Variants in RGS20 observed in about 807,000 individuals in gnomAD.
RGS20 encodes gz-selective GTPase-activating protein.
RGS20 carries 30 observed loss-of-function variants against 33.6 expected under a neutral mutation model. The ratio of observed to expected loss-of-function variants is 0.89; its 90% CI spans 0.67 to 1.21. The LOEUF (loss-of-function observed/expected upper bound fraction) is 1.21. RGS20 is among the 50% of genes most tolerant of loss of function. RGS20 has a pLI of 0.00. For missense variants in RGS20, 472 were observed against 502.4 expected (o/e 0.94, Z 0.58); for synonymous variants, 208 against 197.9 (o/e 1.05, Z -0.43).
intron 2 of RGS20, among the ~76,000 whole-genome samples, chr8:53,932,769 C>A (rs1814008967): frequency 6.6e-6 from 1 of 152,212 alleles, no homozygotes; most frequent in Non-Finnish European, 1.5e-5. Context: ...TGCTTGAGCT[C>A]TGCTAAGGGA....
chr8:53,863,992 G>A (rs1811866196), intron 1 of RGS20, among the ~76,000 whole-genome samples: 1 of 151,864 alleles, frequency 6.6e-6, no homozygotes, highest in South Asian at 2.1e-4. Context: ...CTCCCAAAGT[G>A]GTGGGATTAC....
At chr8:53,855,505 C>T (rs1421581001) in intron 1 of RGS20, among the ~76,000 whole-genome samples, 1 of 152,200 alleles carries the variant, frequency 6.6e-6, no homozygotes, top group Non-Finnish European at 1.5e-5. Flanking sequence ...TGAACCAGTT[C>T]TGTGTCTTGA....
At chr8:53,891,043 A>C (rs2129277623) in intron 2 of RGS20, among the ~76,000 whole-genome samples, 1 of 152,250 alleles carries the variant, frequency 6.6e-6, no homozygotes, top group Admixed American at 6.5e-5. Flanking sequence ...GCCACATTTG[A>C]TAAATGTCTT....
chr8:53,899,156 G>A (rs1382749382), intron 2 of RGS20, among the ~76,000 whole-genome samples: 1 of 152,196 alleles, frequency 6.6e-6, no homozygotes, highest in Non-Finnish European at 1.5e-5. Flanking sequence ...CACAATGCCT[G>A]TGTGCCATGT....
chr8:53,883,158 T>A (rs577990076), intron 2 of RGS20, among the ~76,000 whole-genome samples: 151 of 143,928 alleles, frequency 1.0e-3, no homozygotes, highest in African/African-American at 3.7e-3. Context: ...TCTTTCTTTC[T>A]TTTTTTTTTT....
chr8:53,866,807 C>G (rs994621470), intron 1 of RGS20, among the ~76,000 whole-genome samples: 3 of 151,980 alleles, frequency 2.0e-5, no homozygotes, highest in Non-Finnish European at 4.4e-5. Flanking sequence ...ATTAAGAGAG[C>G]TGGGAAGTAA....
chr8:53,938,665 A>G (rs1455317859), intron 2 of RGS20, among the ~76,000 whole-genome samples: 1 of 152,232 alleles, frequency 6.6e-6, no homozygotes. Context: ...AATTAATTCT[A>G]AAGTCTTATT....
At chr8:53,906,540 C>T (rs750994226) in intron 2 of RGS20, among the ~76,000 whole-genome samples, 11 of 152,102 alleles carry the variant, frequency 7.2e-5, no homozygotes, top group South Asian at 2.1e-4. Flanking sequence ...GAAGGCAGGA[C>T]GACCTAGAGG....
intron 2 of RGS20, among the ~76,000 whole-genome samples, chr8:53,889,160 C>T (rs191798037): frequency 2.0e-5 from 3 of 152,284 alleles, no homozygotes; most frequent in Admixed American, 6.5e-5. Context: ...CATCCATCCC[C>T]ACCAGCAAAG....
At chr8:53,864,794 T>TAA (rs1324483999) in intron 1 of RGS20, among the ~76,000 whole-genome samples, 1 of 152,208 alleles carries the variant, frequency 6.6e-6, no homozygotes, top group Non-Finnish European at 1.5e-5. Flanking sequence ...CTGAAATTGT[T>TAA]AAAATCTTTC....
At chr8:53,889,429 TTTTTTTTTTTTTTTTTTTTTTTG>T (rs1812646343) in intron 2 of RGS20, among the ~76,000 whole-genome samples, 1 of 113,828 alleles carries the variant, frequency 8.8e-6, no homozygotes, top group African/African-American at 3.4e-5. Flanking sequence ...TTTTTTTTTT[TTTTTTTTTTTTTTTTTTTTTTTG>T]AGACAGGGTC....
At chr8:53,950,524 T>C (rs996857457) in intron 4 of RGS20, among the ~76,000 whole-genome samples, 2 of 152,172 alleles carry the variant, frequency 1.3e-5, no homozygotes, top group African/African-American at 4.8e-5. Context: ...TGGAGCAATA[T>C]GGATTTTAGA....
At chr8:53,938,525 G>A (rs915387517) in intron 2 of RGS20, among the ~76,000 whole-genome samples, 2 of 151,978 alleles carry the variant, frequency 1.3e-5, no homozygotes, top group African/African-American at 4.8e-5. Context: ...ATGTGTCCCA[G>A]AACTTAAAGT....
chr8:53,898,302 A>G (rs1796324147), intron 2 of RGS20, among the ~76,000 whole-genome samples: 1 of 152,166 alleles, frequency 6.6e-6, no homozygotes, highest in African/African-American at 2.4e-5. Context: ...CTGTCCTGGT[A>G]TTGAGGGTAC....
At chr8:53,949,991 C>G (rs1254557270) in intron 4 of RGS20, among the ~76,000 whole-genome samples, 1 of 151,838 alleles carries the variant, frequency 6.6e-6, no homozygotes, top group Non-Finnish European at 1.5e-5. Flanking sequence ...AGGCGCCCAC[C>G]ACCATGCCCA....
chr8:53,936,251 C>A (rs1003084922), intron 2 of RGS20, among the ~76,000 whole-genome samples: 6 of 152,082 alleles, frequency 3.9e-5, no homozygotes, highest in Non-Finnish European at 8.8e-5. Flanking sequence ...CTGGCCAGGG[C>A]AATCAGGCAA....
chr8:53,925,025 C>A (rs1038918432), intron 2 of RGS20, among the ~76,000 whole-genome samples: 2 of 152,214 alleles, frequency 1.3e-5, no homozygotes, highest in Non-Finnish European at 2.9e-5. Context: ...TCCCTTTTAG[C>A]TTCTGGACTG....
chr8:53,924,425 T>G (rs1813737258), intron 2 of RGS20, among the ~76,000 whole-genome samples: 2 of 152,084 alleles, frequency 1.3e-5, no homozygotes, highest in East Asian at 3.9e-4. Flanking sequence ...TGACCTCAAG[T>G]GATCTACCCC....
intron 2 of RGS20, chr8:53,879,677 C>T (rs1201374477): frequency 8.2e-6 from 10 of 1,219,406 alleles, no homozygotes; most frequent in East Asian, 5.9e-5. Context: ...TCTTCCTAAC[C>T]CCAACTGACC....
Sources: allele counts gnomAD v4.1 joint callset (sites outside exome capture counted in the v4.1 genomes callset), GRCh38; gene constraint gnomAD v4.1.1; transcripts MANE v1.5; gene names NCBI Gene and HGNC (gene_info 2026-07-23, HGNC 2026-07-21).